GPM6A: variants seen among roughly 807,000 people sequenced by gnomAD.
GPM6A encodes the protein glycoprotein M6A, also known as neuronal membrane glycoprotein M6-a.
In GPM6A, 7 loss-of-function variants were observed where a neutral mutation model predicts 32.1. The ratio of observed to expected loss-of-function variants is 0.22; its 90% CI spans 0.12 to 0.41. The LOEUF is 0.41. Ranked by LOEUF, GPM6A falls within the 10% of genes least tolerant of loss-of-function variation. The pLI is 1.00. For missense variants in GPM6A, 235 were observed against 347.2 expected (o/e 0.68, Z 2.57); for synonymous variants, 130 against 123.4 (o/e 1.05, Z -0.35).
At chr4:175,736,402 G>A (rs949344473) in intron 1 of GPM6A, among the ~76,000 whole-genome samples, 1 of 152,102 alleles carries the variant, frequency 6.6e-6, no homozygotes, top group Non-Finnish European at 1.5e-5. Flanking sequence ...TCACCTCCGA[G>A]GATCTATGCC....
chr4:175,913,109 A>C (rs1322468455), intron 1 of GPM6A, among the ~76,000 whole-genome samples: 1 of 152,166 alleles, frequency 6.6e-6, no homozygotes, highest in Admixed American at 6.5e-5. Context: ...TGTCATTGCA[A>C]ATAAGTGCAA....
intron 1 of GPM6A, among the ~76,000 whole-genome samples, chr4:175,838,069 C>T (rs1371754481): frequency 1.4e-4 from 21 of 147,336 alleles, no homozygotes; most frequent in African/African-American, 5.3e-4. Flanking sequence ...AAAGAATAGC[C>T]GTTCAGTAGG....
rs902472761 is a variant in GPM6A, at chr4:175,900,562, T to C, written c.-22-88313A>G. On this transcript the variant is annotated intron_variant, in intron 1 of 7. Transcript: ENST00000280187. ...TCATCAGAGAAATGCAAATCAAAAC[T>C]GCAATGAGATATCATCTCACCCCAG... is the stretch of plus-strand genomic sequence containing the variant. Among the ~76,000 whole-genome samples the C allele has an allele frequency of 1.2e-4, 18 of 149,520 alleles. No homozygotes were observed. The East Asian group carries it at 3.3e-3, about 28-fold the overall frequency.
chr4:175,786,380 C>T (rs1194577444), intron 1 of GPM6A, among the ~76,000 whole-genome samples: 2 of 151,326 alleles, frequency 1.3e-5, no homozygotes, highest in African/African-American at 4.9e-5. Flanking sequence ...CTCCCTTTTC[C>T]TGACTCTCCT....
intron 1 of GPM6A, among the ~76,000 whole-genome samples, chr4:175,837,987 T>C (rs1488565502): frequency 6.6e-6 from 1 of 151,962 alleles, no homozygotes; most frequent in Admixed American, 6.6e-5. Flanking sequence ...ACAAAAGGAA[T>C]ATCTGCAGTC....
At chr4:175,966,473 C>T (rs1365283525) in intron 1 of GPM6A, among the ~76,000 whole-genome samples, 2 of 150,032 alleles carry the variant, frequency 1.3e-5, no homozygotes. Context: ...GAGCCTAATC[C>T]CAGTATGATG....
chr4:175,734,045 C>T (rs1198748437), intron 1 of GPM6A, among the ~76,000 whole-genome samples: 4 of 151,784 alleles, frequency 2.6e-5, no homozygotes, highest in Non-Finnish European at 4.4e-5. Context: ...CTTCCACGAT[C>T]AAAGCTTGAA....
intron 1 of GPM6A, among the ~76,000 whole-genome samples, chr4:175,804,625 T>A (rs1418786616): frequency 6.6e-6 from 1 of 152,220 alleles, no homozygotes; most frequent in Non-Finnish European, 1.5e-5. Flanking sequence ...GCCTGGATTA[T>A]TAAATATTAG....
chr4:175,707,910 T>C (rs1013295927), intron 1 of GPM6A, among the ~76,000 whole-genome samples: 1 of 152,188 alleles, frequency 6.6e-6, no homozygotes, highest in African/African-American at 2.4e-5. Flanking sequence ...TTATCTACCA[T>C]TTCAATAAAT....
Position 175,731,094 on chromosome 4 carries a change from T to A in GPM6A, c.38-29327A>T, listed in dbSNP as rs189017368. ...TCAGAAGACGTTGAATATCAATTTG[T>A]TATTTCTCCAATTTATGCTTACTTG... is the stretch of plus-strand genomic sequence containing the variant. On this transcript the variant is annotated intron_variant, in intron 1 of 6. Transcript: ENST00000393658. Among the ~76,000 whole-genome samples the A allele has an allele frequency of 3.3e-3, 507 of 152,256 alleles. 1 individual carries two copies. The highest frequency in any genetic ancestry group is 0.012 in the African/African-American group (479 of 41,548).
intron 1 of GPM6A, among the ~76,000 whole-genome samples, chr4:175,858,403 G>T (rs1485605159): frequency 2.0e-5 from 3 of 151,880 alleles, no homozygotes; most frequent in African/African-American, 7.3e-5. Flanking sequence ...GTGGTGGTGG[G>T]TGCCTATAAT....
At chr4:175,760,769 A>T (rs2111208496) in intron 1 of GPM6A, among the ~76,000 whole-genome samples, 1 of 152,146 alleles carries the variant, frequency 6.6e-6, no homozygotes, top group Admixed American at 6.5e-5. Flanking sequence ...ATACAGAGAT[A>T]TACACCGAGA....
chr4:175,913,155 G>A (rs555645562), intron 1 of GPM6A, among the ~76,000 whole-genome samples: 1 of 152,062 alleles, frequency 6.6e-6, no homozygotes, highest in African/African-American at 2.4e-5. Context: ...GCATTGTTCT[G>A]GTGTCATTTC....
intron 1 of GPM6A, among the ~76,000 whole-genome samples, chr4:175,721,032 C>CAT (rs954188098): frequency 1.1e-4 from 13 of 118,406 alleles, no homozygotes; most frequent in South Asian, 5.3e-4. Flanking sequence ...TATACTAGTA[C>CAT]ATATATATTA....
intron 1 of GPM6A, among the ~76,000 whole-genome samples, chr4:175,985,205 A>T (rs189501145): frequency 3.3e-5 from 5 of 152,312 alleles, no homozygotes; most frequent in Admixed American, 3.3e-4. Context: ...GTACACACAC[A>T]TATTTGAAAG....
intron 1 of GPM6A, among the ~76,000 whole-genome samples, chr4:175,977,090 T>G (rs531689461): frequency 3.9e-4 from 60 of 152,240 alleles, no homozygotes; most frequent in African/African-American, 1.3e-3. Flanking sequence ...AAATAAATAA[T>G]TAATAGGCAA....
intron 1 of GPM6A, among the ~76,000 whole-genome samples, chr4:175,710,699 G>C (rs957706331): frequency 6.6e-6 from 1 of 152,044 alleles, no homozygotes; most frequent in Non-Finnish European, 1.5e-5. Flanking sequence ...AAATTCTCAG[G>C]AGACATATTT....
At chr4:175,636,990 A>G (rs896780057) in intron 6 of GPM6A, among the ~76,000 whole-genome samples, 3 of 138,032 alleles carry the variant, frequency 2.2e-5, no homozygotes, top group Non-Finnish European at 3.1e-5. Context: ...AAATATATAT[A>G]AGATAAAAAA....
At chr4:175,756,002 C>G (rs1469465589) in intron 1 of GPM6A, among the ~76,000 whole-genome samples, 1 of 152,084 alleles carries the variant, frequency 6.6e-6, no homozygotes, top group African/African-American at 2.4e-5. Context: ...AAATTAGTTG[C>G]TGTTCAGTAG....
Sources: allele counts gnomAD v4.1 joint callset (sites outside exome capture counted in the v4.1 genomes callset), GRCh38; gene constraint gnomAD v4.1.1; transcripts MANE v1.5; gene names NCBI Gene and HGNC (gene_info 2026-07-23, HGNC 2026-07-21).